The following CUL4A variants were observed in gnomAD, a reference collection of about 807,000 sequenced individuals.
The protein encoded by CUL4A is cullin-4A.
A neutral mutation model predicts 95.5 loss-of-function variants in CUL4A; 16 were observed. The ratio of observed to expected loss-of-function variants is 0.17; its 90% CI spans 0.11 to 0.25. CUL4A has a LOEUF of 0.25. Among genes scored for constraint, CUL4A ranks in the 10% least tolerant of loss-of-function variants. The probability of loss-of-function intolerance (pLI) is 1.00; values close to 1 mark genes in which losing one functional copy is unlikely to be tolerated. For synonymous variants in CUL4A, 380 were observed against 353.1 expected (o/e 1.08, Z -0.85); for missense variants, 610 against 937.0 (o/e 0.65, Z 4.56).
intron 19 of CUL4A, among the ~76,000 whole-genome samples, chr13:113,261,245 G>T (rs746115958): frequency 1.3e-5 from 2 of 152,194 alleles, no homozygotes; most frequent in Non-Finnish European, 2.9e-5. Context: ...CCTGCCACGT[G>T]TGGGATGCAG....
upstream of CUL4A, chr13:113,208,437 G>A: frequency 1.0e-5 from 15 of 1,506,128 alleles, no homozygotes; most frequent in Non-Finnish European, 1.3e-5. Context: ...CCCGAGTCCC[G>A]GCCGCCGCTG....
At chr13:113,213,705 C>T (rs1423125741) in intron 2 of CUL4A, among the ~76,000 whole-genome samples, 1 of 152,172 alleles carries the variant, frequency 6.6e-6, no homozygotes, top group Non-Finnish European at 1.5e-5. Context: ...TTGTAGGTGC[C>T]TTAGGTGTCT....
chr13:113,219,410 G>C (rs2040816514), intron 3 of CUL4A: 1 of 177,780 alleles, frequency 5.6e-6, no homozygotes, highest in Non-Finnish European at 1.2e-5. Context: ...TCAGCGCACA[G>C]TTGTGTCTGT....
Position 113,233,923 on chromosome 13 carries a change from AT to A in CUL4A, c.707del (p.Leu236TrpfsTer15). On this transcript the variant is annotated frameshift_variant, in exon 7 of 20. Coordinates refer to ENST00000375440, the MANE Select transcript of CUL4A (RefSeq NM_001008895.4). LOFTEE classifies it high-confidence loss of function. Reference sequence around the variant, plus strand: ...TGTATAAAGATTCATTTGAACTGAAATTTTTGGAAGAGACTAATTGCTTATA... The same window carrying A: ...TGTATAAAGATTCATTTGAACTGAAATTTTGGAAGAGACTAATTGCTTATA... ...QVYKDSFELK[F>X]LEETNCLYAA... 1.2e-6 allele frequency: 2 copies of A among 1,608,908 alleles called. No homozygotes were observed. Among genetic ancestry groups the A allele is most frequent in the Non-Finnish European group, 1.7e-6 (2 of 1,175,706 alleles).
At chr13:113,249,539 G>T (rs1297916949) in intron 15 of CUL4A, among the ~76,000 whole-genome samples, 1 of 152,304 alleles carries the variant, frequency 6.6e-6, no homozygotes, top group East Asian at 1.9e-4. Flanking sequence ...CCTTTTGGCC[G>T]CTGTGAATAA....
chr13:113,208,320 G>A (rs959591681), upstream of CUL4A: 10 of 1,432,938 alleles, frequency 7.0e-6, no homozygotes, highest in African/African-American at 1.2e-4. Flanking sequence ...GCAAGTGAGG[G>A]CAGCGACCTG....
At position 113,209,789 on chromosome 13, in the gene CUL4A, CCGGGTCGAGGGCCAGGCGCCCCGGG is replaced by C; in HGVS notation, c.148+19_148+43del. Reference sequence around the variant, plus strand: ...AGAACTTCCGAGGTGGGTGCGGCGGCCGGGTCGAGGGCCAGGCGCCCCGGGCGGGGACCCCACGAGACCCCGCCCG... The same window carrying C: ...AGAACTTCCGAGGTGGGTGCGGCGGCCGGGGACCCCACGAGACCCCGCCCG... On this transcript the variant is annotated intron_variant, in intron 1 of 19. Coordinates refer to ENST00000375440, the MANE Select transcript of CUL4A (RefSeq NM_001008895.4). 1 of 1,177,156 alleles carries C rather than the reference CCGGGTCGAGGGCCAGGCGCCCCGGG, an allele frequency of 8.5e-7. No homozygotes were observed. The highest frequency in any genetic ancestry group is 1.0e-6 in the Non-Finnish European group (1 of 952,740). The allele number at this position is 1,177,156 out of a possible 1,614,324, so 72.9% of individuals were successfully genotyped here.
intron 18 of CUL4A, among the ~76,000 whole-genome samples, chr13:113,260,211 A>AAAAAACAAACAAAAAAAAAACC (rs1555307262): frequency 8.4e-6 from 1 of 119,510 alleles, no homozygotes; most frequent in African/African-American, 3.6e-5. Context: ...CTCAAAAAAA[A>AAAAAACAAACAAAAAAAAAACC]AAAAAAAACC....
intron 3 of CUL4A, among the ~76,000 whole-genome samples, chr13:113,220,388 TC>T (rs2040852893): frequency 6.6e-6 from 1 of 152,194 alleles, no homozygotes; most frequent in African/African-American, 2.4e-5. Context: ...GTTCAAGAGA[TC>T]AGTGACCGCA....
intron 2 of CUL4A, among the ~76,000 whole-genome samples, chr13:113,215,418 A>ATG (rs2040621896): frequency 4.7e-5 from 4 of 84,468 alleles, no homozygotes; most frequent in East Asian, 4.3e-4. Flanking sequence ...GTCACGTCCC[A>ATG]TGTGGCTGTG....
Position 113,227,989 on chromosome 13 carries a change from A to G in CUL4A, c.382A>G (p.Ser128Gly). ...ILPFREDSLD[S>G]VLFLKKINTC... ...GCAGATCTGTACAGACTCACTAGAT[A>G]GTGTTTTATTTTTAAAGAAGATTAA... is the stretch of plus-strand genomic sequence containing the variant. The change falls in exon 4 of 20, where the codon AGT becomes GGT. Residue 128 changes from serine to glycine, a missense_variant. Physicochemically the swap from Ser to Gly is moderately conservative, Grantham distance 56 (BLOSUM62 0). Transcript: ENST00000375440. The G allele has an allele frequency of 6.2e-7, 1 of 1,608,992 alleles. No homozygotes were observed. The highest frequency in any genetic ancestry group is 8.5e-7 in the Non-Finnish European group (1 of 1,175,344).
chr13:113,231,342 G>A (rs556033403), intron 5 of CUL4A, among the ~76,000 whole-genome samples: 66 of 152,194 alleles, frequency 4.3e-4, no homozygotes, highest in Non-Finnish European at 7.5e-4. Flanking sequence ...TGGTCAGGCA[G>A]CTAAGAAAGA....
intron 10 of CUL4A, 116 bp from the exon 11 acceptor site, chr13:113,242,852 A>G (rs538653747): frequency 1.4e-6 from 1 of 728,262 alleles, no homozygotes; most frequent in African/African-American, 1.8e-5. Flanking sequence ...AAAGTTATTG[A>G]GTATTTACTA....
At chr13:113,230,392 C>T (rs2041268494) in intron 5 of CUL4A, among the ~76,000 whole-genome samples, 1 of 152,158 alleles carries the variant, frequency 6.6e-6, no homozygotes, top group Non-Finnish European at 1.5e-5. Flanking sequence ...TTATTTTATA[C>T]AACATCTATA....
Position 113,254,947 on chromosome 13 carries a change from A to C in CUL4A, c.1859-6A>C. 3 of 1,609,646 alleles carry C rather than the reference A, an allele frequency of 1.9e-6. No individual in the cohort carries two copies. Among genetic ancestry groups the C allele is most frequent in the Non-Finnish European group, 2.5e-6 (3 of 1,177,610 alleles). The stretch of plus-strand genomic sequence containing the variant: ...CAGCCTTTGCCTGCATTTGCTTCCC[A>C]TTCAGAGGATAGTGAATTGCGCAGA... On this transcript the variant is annotated splice_polypyrimidine_tract_variant and splice_region_variant and intron_variant, in intron 17 of 19. Transcript: ENST00000375440.
intron 19 of CUL4A, among the ~76,000 whole-genome samples, chr13:113,263,182 A>G (rs7317110): frequency 5.0e-4 from 68 of 135,498 alleles, no homozygotes; most frequent in East Asian, 9.0e-4. Flanking sequence ...ACGTGCCCTT[A>G]CTGATGGCAG....
At position 113,232,222 on chromosome 13, in the gene CUL4A, C is replaced by T. The variant is rs371871327; in HGVS notation, c.513-955C>T. Among the ~76,000 whole-genome samples the T allele has an allele frequency of 1.8e-3, 10 of 5,450 alleles. 2 individuals are homozygous for T. The highest frequency in any genetic ancestry group is 4.6e-3 in the Admixed American group (3 of 648). The allele number at this position is 5,450 out of a possible 152,430, so 3.6% of individuals were successfully genotyped here. ...TACCCGCCCACCACCATTACTGCTG[C>T]CACCACTACCCGCCCACCACCATTA... On this transcript the variant is annotated intron_variant, in intron 5 of 19. Transcript: ENST00000375440.
intron 15 of CUL4A, among the ~76,000 whole-genome samples, chr13:113,250,368 C>T (rs1247675820): frequency 3.3e-5 from 5 of 152,230 alleles, no homozygotes; most frequent in African/African-American, 9.6e-5. Context: ...GGCAGGATTG[C>T]CTGAGTCTGG....
intron 10 of CUL4A, 36 bp from the exon 11 acceptor site, chr13:113,242,932 A>G (rs1410188052): frequency 1.3e-6 from 2 of 1,542,804 alleles, no homozygotes; most frequent in Non-Finnish European, 1.8e-6. Context: ...GCTATTGTAA[A>G]CATGTTGCTG....
Sources: allele counts gnomAD v4.1 joint callset (sites outside exome capture counted in the v4.1 genomes callset), GRCh38; gene constraint gnomAD v4.1.1; transcripts MANE v1.5; gene names NCBI Gene and HGNC (gene_info 2026-07-23, HGNC 2026-07-21).